Variants in CRLS1 observed in about 807,000 individuals in gnomAD.
The protein encoded by CRLS1 is cardiolipin synthase 1, also known as cardiolipin synthase (CMP-forming).
Under a neutral mutation model 37.0 loss-of-function variants are expected in CRLS1, and 24 were observed. The ratio of observed to expected loss-of-function variants is 0.65; its 90% CI spans 0.47 to 0.91. The LOEUF (loss-of-function observed/expected upper bound fraction) is 0.91. CRLS1 is among the 40% of genes least tolerant of loss of function. CRLS1 has a pLI of 0.00. For synonymous variants in CRLS1, 135 were observed against 159.7 expected, an observed-to-expected ratio of 0.85 and a Z score of 1.17; for missense variants, 373 against 395.8, an observed-to-expected ratio of 0.94 and a Z score of 0.49.
At chr20:6,016,378 T>C (rs1227371993) in intron 3 of CRLS1, among the ~76,000 whole-genome samples, 1 of 152,188 alleles carries the variant, frequency 6.6e-6, no homozygotes, top group Non-Finnish European at 1.5e-5. Flanking sequence ...AAATAAAAAA[T>C]AAATTGGACT....
rs751348675 is a variant in CRLS1, at chr20:6,015,469, ACCTATGCAGATCTTATT to A, written c.556_572del (p.Tyr186SerfsTer44). Reference sequence around the variant, plus strand: ...TATCAGTATCTTATATGTTAGCTTGACCTATGCAGATCTTATTCCAGGTAAGAACGCGTCATGCGTAC... The same window carrying A: ...TATCAGTATCTTATATGTTAGCTTGACCAGGTAAGAACGCGTCATGCGTAC... On this transcript the variant is annotated frameshift_variant, in exon 3 of 7. Coordinates refer to ENST00000378863, the MANE Select transcript of CRLS1 (RefSeq NM_019095.6). 6.2e-7 allele frequency: 1 copy of A among 1,613,362 alleles called. No homozygotes were observed. Among genetic ancestry groups the A allele is most frequent in the South Asian group, 1.1e-5 (1 of 91,052 alleles).
rs1047225767 is a variant in CRLS1 at position 6,038,080 on chromosome 20, C to T, written c.*922C>T. Reference sequence around the variant, plus strand: ...AACTCAGGTTGTTCCATATAACATACGTATTCTCTGCTGTTACGTAAGTTT... The same window carrying T: ...AACTCAGGTTGTTCCATATAACATATGTATTCTCTGCTGTTACGTAAGTTT... On this transcript the variant is annotated 3_prime_UTR_variant, in exon 7 of 7. Transcript: ENST00000378863. 10 of 152,204 alleles carry T rather than the reference C, an allele frequency of 6.6e-5. No homozygotes were observed. The highest frequency in any genetic ancestry group is 3.2e-3 in the Middle Eastern group (1 of 316). The allele number at this position is 152,204 out of a possible 1,614,324, so 9.4% of individuals were successfully genotyped here.
At chr20:6,013,158 T>G (rs1270410468) in intron 2 of CRLS1, among the ~76,000 whole-genome samples, 2 of 151,904 alleles carry the variant, frequency 1.3e-5, no homozygotes, top group Non-Finnish European at 2.9e-5. Context: ...TAGATAGATA[T>G]AAAATCCTAT....
chr20:6,016,456 T>G (rs954116674), intron 3 of CRLS1, among the ~76,000 whole-genome samples: 13 of 116,122 alleles, frequency 1.1e-4, no homozygotes, highest in East Asian at 2.9e-4. Flanking sequence ...GGAATGGGGG[T>G]GTGTGTGTGT....
rs1455647678 is a variant in CRLS1, at chr20:6,038,910, C to T, written c.*1752C>T. The stretch of plus-strand genomic sequence containing the variant: ...CGCTTCATCCCTTAGGAAAATGGTC[C>T]AAGTCTCCTCAGGCTTTTGGATACT... On this transcript the variant is annotated 3_prime_UTR_variant, in exon 7 of 7. Coordinates refer to ENST00000378863, the MANE Select transcript of CRLS1 (RefSeq NM_019095.6). 4 of 152,146 alleles carry T rather than the reference C, an allele frequency of 2.6e-5. No individual in the cohort carries two copies. The highest frequency in any genetic ancestry group is 9.7e-5 in the African/African-American group (4 of 41,432). 9.4% of individuals were successfully genotyped at this position (152,146 alleles called of 1,614,324 possible).
In CRLS1 at chr20:6,039,773, A is replaced by G. The variant is rs1355623050; in HGVS notation, c.*2615A>G. On this transcript the variant is annotated 3_prime_UTR_variant, in exon 7 of 7. Transcript: ENST00000378863. ...AAAAAAAAAAAGGAAATGTGAACAG[A>G]GAGAGAATGCCGTGAGATGATGGAG... is the stretch of plus-strand genomic sequence containing the variant. 1 of 150,036 alleles carries G rather than the reference A, an allele frequency of 6.7e-6. No homozygotes were observed. The highest frequency in any genetic ancestry group is 1.5e-5 in the Non-Finnish European group (1 of 67,688). 9.3% of individuals were successfully genotyped at this position (150,036 alleles called of 1,614,324 possible). A position where few individuals can be genotyped will look rare whatever the true frequency, so the allele number is the denominator to read the frequency against.
At chr20:6,028,162 G>A (rs1979872113) in intron 3 of CRLS1, 1 of 152,156 alleles carries the variant, frequency 6.6e-6, no homozygotes, top group African/African-American at 2.4e-5. Flanking sequence ...TTCTCTAAGA[G>A]TAAGAAATAT....
At chr20:6,008,551 G>C (rs921395225) in intron 1 of CRLS1, among the ~76,000 whole-genome samples, 1 of 152,238 alleles carries the variant, frequency 6.6e-6, no homozygotes, top group South Asian at 2.1e-4. Context: ...AAAGCCCCCA[G>C]ATGGGAGCTG....
At chr20:6,035,469 T>C (rs1393666077) in intron 6 of CRLS1, among the ~76,000 whole-genome samples, 1 of 152,194 alleles carries the variant, frequency 6.6e-6, no homozygotes, top group African/African-American at 2.4e-5. Context: ...TCCCTAGTCT[T>C]TTCACAATCA....
chr20:6,016,726 G>A (rs547304610), intron 3 of CRLS1, among the ~76,000 whole-genome samples: 1 of 152,292 alleles, frequency 6.6e-6, no homozygotes, highest in Non-Finnish European at 1.5e-5. Flanking sequence ...TATGATTGGT[G>A]TAGGTTGCTT....
Position 6,039,821 on chromosome 20 carries a change from C to G in CRLS1, c.*2663C>G, listed in dbSNP as rs1362905947. 6.6e-6 allele frequency: 1 copy of G among 151,384 alleles called. No individual in the cohort carries two copies. The highest frequency in any genetic ancestry group is 1.5e-5 in the Non-Finnish European group (1 of 67,934). 9.4% of individuals were successfully genotyped at this position (151,384 alleles called of 1,614,324 possible). ...GAGGGATAGATTGGAATGATGTCTGCGAGCTAAGGAATACTGAGGATTGCT... is the reference window on the plus strand; with the variant it reads ...GAGGGATAGATTGGAATGATGTCTGGGAGCTAAGGAATACTGAGGATTGCT... On this transcript the variant is annotated 3_prime_UTR_variant, in exon 7 of 7. Coordinates refer to ENST00000378863, the MANE Select transcript of CRLS1 (RefSeq NM_019095.6).
Position 6,006,508 on chromosome 20 carries a change from G to A in CRLS1, c.262G>A (p.Glu88Lys). The change falls in exon 1 of 7, where the codon GAA becomes AAA. Residue 88 changes from glutamate to lysine, a missense_variant. Glu to Lys is a moderately conservative substitution (Grantham distance 56). Coordinates refer to ENST00000378863, the MANE Select transcript of CRLS1 (RefSeq NM_019095.6). The part of the protein sequence containing the change: ...RPAAGAGAAA[E>K]APGGQWGPAS... The stretch of plus-strand genomic sequence containing the variant: ...AGCGGCCGGAGCGGGCGCCGCTGCC[G>A]AAGCCCCGGGCGGCCAGTGGGGCCC... 7.4e-7 allele frequency: 1 copy of A among 1,343,284 alleles called. No individual in the cohort carries two copies. Among genetic ancestry groups the A allele is most frequent in the Non-Finnish European group, 9.5e-7 (1 of 1,054,838 alleles). 83.2% of individuals were successfully genotyped at this position (1,343,284 alleles called of 1,614,324 possible).
At chr20:6,027,082 ATT>A (rs11361547) in intron 3 of CRLS1, among the ~76,000 whole-genome samples, 23,317 of 128,650 alleles carry the variant, frequency 0.18, 2,110 homozygotes, top group African/African-American at 0.33. Flanking sequence ...TGGAAATTGA[ATT>A]TTTTTTTTTT....
At chr20:6,016,129 A>G (rs1978727168) in intron 3 of CRLS1, 1 of 152,718 alleles carries the variant, frequency 6.5e-6, no homozygotes, top group Admixed American at 6.5e-5. Context: ...ATCTGATCAC[A>G]CTGGGACTTC....
chr20:6,007,318 C>T, intron 1 of CRLS1: 1 of 1,595,088 alleles, frequency 6.3e-7, no homozygotes, highest in Non-Finnish European at 8.5e-7. Context: ...ATAGCTAAAG[C>T]ATGTTGGGGT....
intron 3 of CRLS1, among the ~76,000 whole-genome samples, chr20:6,021,564 T>G (rs1308836472): frequency 6.6e-6 from 1 of 152,230 alleles, no homozygotes; most frequent in African/African-American, 2.4e-5. Context: ...ATGTTTTACC[T>G]TCTACATTTC....
At chr20:6,030,476 A>G (rs6053835) in intron 3 of CRLS1, among the ~76,000 whole-genome samples, 16,563 of 152,218 alleles carry the variant, frequency 0.11, 1,026 homozygotes, top group Middle Eastern at 0.22. Flanking sequence ...TAATCCCAGC[A>G]TTTTGGGAGG....
chr20:6,031,126 C>A, intron 3 of CRLS1, 159 bp from the exon 4 acceptor site: 1 of 486,778 alleles, frequency 2.1e-6, no homozygotes, highest in Non-Finnish European at 3.6e-6. Flanking sequence ...CAGTAGTTTG[C>A]TATAGGGGAC....
At chr20:6,029,570 G>A (rs575525318) in intron 3 of CRLS1, among the ~76,000 whole-genome samples, 1 of 152,166 alleles carries the variant, frequency 6.6e-6, no homozygotes, top group South Asian at 2.1e-4. Context: ...TGTTGGTCAG[G>A]CTGATCTCGA....
Sources: allele counts gnomAD v4.1 joint callset (sites outside exome capture counted in the v4.1 genomes callset), GRCh38; gene constraint gnomAD v4.1.1; transcripts MANE v1.5; gene names NCBI Gene and HGNC (gene_info 2026-07-23, HGNC 2026-07-21).